The following FGF14 variants were observed in gnomAD, a reference collection of about 807,000 sequenced individuals.
The protein encoded by FGF14 is fibroblast growth factor 14.
Under a neutral mutation model 25.5 loss-of-function variants are expected in FGF14, and 5 were observed. The observed-to-expected ratio is 0.20, with a 90% CI of 0.10 to 0.41. The LOEUF (loss-of-function observed/expected upper bound fraction) is 0.41, where lower values mean the gene tolerates loss of function less well. FGF14 is among the 10% of genes least tolerant of loss of function. The probability of loss-of-function intolerance (pLI) is 1.00; values close to 1 mark genes in which losing one functional copy is unlikely to be tolerated. For synonymous variants in FGF14, 138 were observed against 118.3 expected (o/e 1.17, Z -1.08); for missense variants, 222 against 320.1 (o/e 0.69, Z 2.34).
chr13:102,066,265 A>G (rs1460869058), intron 1 of FGF14, among the ~76,000 whole-genome samples: 10 of 152,172 alleles, frequency 6.6e-5, no homozygotes, highest in African/African-American at 2.4e-4. Flanking sequence ...TCAATATCTA[A>G]TAAGTGCCTT....
intron 1 of FGF14, among the ~76,000 whole-genome samples, chr13:102,238,595 C>A (rs2051438220): frequency 6.6e-6 from 1 of 152,142 alleles, no homozygotes; most frequent in Non-Finnish European, 1.5e-5. Flanking sequence ...TATAAGTTGT[C>A]AATGAGTGAG....
intron 1 of FGF14, among the ~76,000 whole-genome samples, chr13:102,131,974 A>T (rs1336258890): frequency 1.3e-5 from 2 of 152,262 alleles, no homozygotes; most frequent in Non-Finnish European, 2.9e-5. Flanking sequence ...TTGTGCAGCC[A>T]TTCTGGATCA....
intron 1 of FGF14, among the ~76,000 whole-genome samples, chr13:102,341,690 A>C (rs1006371655): frequency 6.6e-6 from 1 of 152,146 alleles, no homozygotes; most frequent in Non-Finnish European, 1.5e-5. Context: ...CCTTCTTCCT[A>C]TGAATAAGAC....
At position 101,863,591 on chromosome 13, in the gene FGF14, T is replaced by C. The variant is rs144792453; in HGVS notation, c.408+5134A>G. On this transcript the variant is annotated intron_variant, in intron 3 of 4. Coordinates refer to ENST00000376143, the MANE Select transcript of FGF14 (RefSeq NM_004115.4). ...CAGGACAGGTGCTAGGGATGGGCAA[T>C]GAATTCACGCAATACTCCATGAGTG... 7.8e-3 allele frequency among the ~76,000 whole-genome samples: 1,186 copies of C among 152,176 alleles called. 7 individuals carry two copies. The highest frequency in any genetic ancestry group is 0.044 in the Middle Eastern group (13 of 294).
chr13:102,137,869 T>C (rs1296473587), intron 1 of FGF14, among the ~76,000 whole-genome samples: 1 of 150,344 alleles, frequency 6.7e-6, no homozygotes, highest in Non-Finnish European at 1.5e-5. Flanking sequence ...AGGATGAGCC[T>C]TGAGATAAAA....
chr13:102,310,400 A>G (rs1367608203), intron 1 of FGF14, among the ~76,000 whole-genome samples: 1 of 152,200 alleles, frequency 6.6e-6, no homozygotes, highest in Non-Finnish European at 1.5e-5. Flanking sequence ...CGAATTTTAA[A>G]AATAGAAGTG....
At chr13:101,768,829 C>T (rs1056248078) in intron 3 of FGF14, among the ~76,000 whole-genome samples, 1 of 151,960 alleles carries the variant, frequency 6.6e-6, no homozygotes, top group African/African-American at 2.4e-5. Context: ...AAATGGATCA[C>T]GTAAATAAAT....
chr13:101,948,691 A>C (rs939309447), intron 1 of FGF14, among the ~76,000 whole-genome samples: 1 of 152,012 alleles, frequency 6.6e-6, no homozygotes, highest in Admixed American at 6.6e-5. Flanking sequence ...AGAAGCAAAA[A>C]TGAGTGGTAA....
intron 3 of FGF14, among the ~76,000 whole-genome samples, chr13:101,850,513 TAGA>T (rs2043766988): frequency 2.8e-3 from 8 of 2,850 alleles, no homozygotes; most frequent in African/African-American, 7.3e-3. Context: ...TATATATATA[TAGA>T]ATTATATATT....
At chr13:102,202,480 G>A (rs1027875368) in intron 1 of FGF14, among the ~76,000 whole-genome samples, 1 of 152,166 alleles carries the variant, frequency 6.6e-6, no homozygotes, top group Non-Finnish European at 1.5e-5. Flanking sequence ...GGCAGAAGGA[G>A]GAATTACAGA....
chr13:101,914,054 T>C (rs957235490), intron 1 of FGF14, among the ~76,000 whole-genome samples: 6 of 152,182 alleles, frequency 3.9e-5, no homozygotes, highest in Admixed American at 1.3e-4. Flanking sequence ...TATAAAGACA[T>C]ATAAAACCAT....
chr13:101,854,498 T>A (rs1441096949), intron 3 of FGF14, among the ~76,000 whole-genome samples: 1 of 152,104 alleles, frequency 6.6e-6, no homozygotes, highest in African/African-American at 2.4e-5. Flanking sequence ...ATGGACATGG[T>A]GATGTTTGCT....
At chr13:102,327,661 C>A (rs1482498509) in intron 1 of FGF14, among the ~76,000 whole-genome samples, 2 of 151,740 alleles carry the variant, frequency 1.3e-5, no homozygotes, top group Admixed American at 6.6e-5. Context: ...ATAGTGAGAC[C>A]CTGCCTCTAC....
intron 1 of FGF14, among the ~76,000 whole-genome samples, chr13:102,216,974 C>T (rs752876527): frequency 4.6e-5 from 7 of 152,162 alleles, no homozygotes; most frequent in Non-Finnish European, 1.0e-4. Flanking sequence ...CATGTTGCCA[C>T]GAATGACAGG....
chr13:101,839,108 T>C (rs2043075217), intron 3 of FGF14, among the ~76,000 whole-genome samples: 1 of 152,124 alleles, frequency 6.6e-6, no homozygotes, highest in African/African-American at 2.4e-5. Flanking sequence ...AAAGATGTGA[T>C]AATACAAATG....
At chr13:101,850,952 G>T (rs1469467705) in intron 3 of FGF14, among the ~76,000 whole-genome samples, 1 of 151,884 alleles carries the variant, frequency 6.6e-6, no homozygotes, top group African/African-American at 2.4e-5. Flanking sequence ...GGGATAGGAA[G>T]TTAAATAAGA....
intron 3 of FGF14, among the ~76,000 whole-genome samples, chr13:101,798,882 G>A (rs981590444): frequency 2.0e-5 from 3 of 152,088 alleles, no homozygotes; most frequent in South Asian, 2.1e-4. Flanking sequence ...CTTCATCAAC[G>A]ACCTTGGCAT....
chr13:102,075,000 T>A (rs1234803291), intron 1 of FGF14, among the ~76,000 whole-genome samples: 2 of 152,246 alleles, frequency 1.3e-5, no homozygotes, highest in Admixed American at 6.5e-5. Flanking sequence ...AAGCTTTTCT[T>A]CTGAGATCAG....
chr13:101,854,624 C>T (rs1401296190), intron 3 of FGF14, among the ~76,000 whole-genome samples: 1 of 152,052 alleles, frequency 6.6e-6, no homozygotes, highest in Non-Finnish European at 1.5e-5. Context: ...CAAATGTCAT[C>T]ATCATGTTGT....
Sources: gnomAD v4.1 joint callset for allele counts (sites outside exome capture counted in the v4.1 genomes callset) on GRCh38, gnomAD v4.1.1 for gene constraint, MANE v1.5 for transcripts, NCBI Gene and HGNC (gene_info 2026-07-23, HGNC 2026-07-21) for gene names.